Variants in IQANK1 observed in about 807,000 individuals in gnomAD.
IQANK1 encodes the protein IQ motif and ankyrin repeat domain-containing protein 1.
Under a neutral mutation model 22.6 loss-of-function variants are expected in IQANK1, and 30 were observed. The ratio of observed to expected loss-of-function variants is 1.33; its 90% confidence interval spans 0.99 to 1.80. IQANK1 has a LOEUF of 1.80. Among genes scored for constraint, IQANK1 ranks in the 40% most tolerant of loss-of-function variants. The probability of loss-of-function intolerance (pLI) is 0.00; values close to 1 mark genes in which losing one functional copy is unlikely to be tolerated. For synonymous variants in IQANK1, 122 were observed against 99.6 expected (o/e 1.23, Z -1.34); for missense variants, 275 against 235.2 (o/e 1.17, Z -1.11).
At position 143,771,251 on chromosome 8, in the gene IQANK1, G is replaced by C. The variant is rs1819564439; in HGVS notation, c.176-237G>C. 6.6e-6 allele frequency among the ~76,000 whole-genome samples: 1 copy of C among 152,128 alleles called. No homozygotes were observed. The highest frequency in any genetic ancestry group is 1.5e-5 in the Non-Finnish European group (1 of 68,004). On this transcript the variant is annotated intron_variant, in intron 3 of 13. Transcript: ENST00000527139. The surrounding 1 kb of genome is among the most constrained non-coding windows in gnomAD (Gnocchi z 6.0). ...CGGGGCTCGCAGGATCCCCGGCGGC[G>C]TGGGGCGGGGGAGGTTCCCGCAGAC...
At chr8:143,780,549 C>G (rs781898908) in intron 7 of IQANK1, among the ~76,000 whole-genome samples, 16 of 152,150 alleles carry the variant, frequency 1.1e-4, no homozygotes, top group Non-Finnish European at 2.1e-4. Context: ...TCCTTTAGCT[C>G]CCGTTTACAG....
intron 2 of IQANK1, among the ~76,000 whole-genome samples, chr8:143,737,891 T>C (rs1554625894): frequency 6.6e-6 from 1 of 152,222 alleles, no homozygotes; most frequent in Non-Finnish European, 1.5e-5. Context: ...CTGGACCTCA[T>C]GGAGCCTCAG....
At position 143,756,333 on chromosome 8, in the gene IQANK1, G is replaced by A. The variant is rs559793998; in HGVS notation, c.176-15155G>A. Among the ~76,000 whole-genome samples the A allele has an allele frequency of 3.3e-5, 5 of 152,274 alleles. No homozygotes were observed. In the South Asian group the frequency reaches 1.0e-3, roughly 32 times the overall value. ...TTAAGGCTGGAGCTCAGTACACCACGAGGGACTGTCTGAGAACCAGGGCTG... is the reference window on the plus strand; with the variant it reads ...TTAAGGCTGGAGCTCAGTACACCACAAGGGACTGTCTGAGAACCAGGGCTG... On this transcript the variant is annotated intron_variant, in intron 3 of 13. Coordinates refer to ENST00000527139, the MANE Select transcript of IQANK1 (RefSeq NM_001381874.1).
At chr8:143,779,116 A>G (rs1406243987) in intron 7 of IQANK1, among the ~76,000 whole-genome samples, 1 of 152,188 alleles carries the variant, frequency 6.6e-6, no homozygotes, top group Non-Finnish European at 1.5e-5. Context: ...GCTTATATAT[A>G]AATTTATGAA....
intron 3 of IQANK1, chr8:143,742,005 G>A (rs782502458): frequency 1.2e-4 from 31 of 248,678 alleles, no homozygotes; most frequent in Non-Finnish European, 2.0e-4. Flanking sequence ...CCCGGGGCCT[G>A]CTGGCTGACG....
intron 1 of IQANK1, among the ~76,000 whole-genome samples, chr8:143,734,788 C>A (rs1445501827): frequency 3.9e-5 from 6 of 152,054 alleles, no homozygotes; most frequent in Non-Finnish European, 8.8e-5. Flanking sequence ...CCCCAACGGA[C>A]AAGGGACCCA....
chr8:143,752,114 T>C (rs568453383), intron 3 of IQANK1, among the ~76,000 whole-genome samples: 201 of 152,168 alleles, frequency 1.3e-3, no homozygotes, highest in African/African-American at 4.6e-3. Context: ...TATAGGCGCC[T>C]GCCACCAGGC....
chr8:143,744,111 C>G, intron 3 of IQANK1: 1 of 215,136 alleles, frequency 4.6e-6, no homozygotes, highest in Non-Finnish European at 9.6e-6. Context: ...GGATTACAGG[C>G]GTGAGCCACC....
Position 143,750,035 on chromosome 8 carries a change from G to A in IQANK1, c.175+10087G>A, listed in dbSNP as rs191374940. ...TTTATTTTTTTTGAGGTGGAGTTTC[G>A]CTCTTGTTGCCCAGGCTGGAGTGCA... On this transcript the variant is annotated intron_variant, in intron 3 of 13. Transcript: ENST00000527139. 1.7e-3 allele frequency among the ~76,000 whole-genome samples: 238 copies of A among 143,196 alleles called. 2 individuals carry two copies. The highest frequency in any genetic ancestry group is 8.0e-3 in the Middle Eastern group (2 of 250). 93.9% of individuals were successfully genotyped at this position (143,196 alleles called of 152,430 possible). A position where few individuals can be genotyped will look rare whatever the true frequency, so the allele number is the denominator to read the frequency against.
Position 143,771,390 on chromosome 8 carries a change from C to CG in IQANK1, c.176-94dup, listed in dbSNP as rs1563776661. 8 of 338,520 alleles carry CG rather than the reference C, an allele frequency of 2.4e-5. No homozygotes were observed. The highest frequency in any genetic ancestry group is 7.2e-5 in the African/African-American group (3 of 41,398). The allele number at this position is 338,520 out of a possible 1,614,324, so 21.0% of individuals were successfully genotyped here. Reference sequence around the variant, plus strand: ...TTGAGAGCCGTTTGGGTCCTTCTGTCGGGGCGGGGGCGGGGGCGGGGCCGG... The same window carrying CG: ...TTGAGAGCCGTTTGGGTCCTTCTGTCGGGGGCGGGGGCGGGGGCGGGGCCGG... On this transcript the variant is annotated intron_variant, in intron 3 of 13. Coordinates refer to ENST00000527139, the MANE Select transcript of IQANK1 (RefSeq NM_001381874.1). The surrounding 1 kb of genome is among the most constrained non-coding windows in gnomAD (Gnocchi z 6.0).
chr8:143,786,426 ATTT>A (rs1274135023), intron 7 of IQANK1, among the ~76,000 whole-genome samples: 1 of 152,230 alleles, frequency 6.6e-6, no homozygotes, highest in African/African-American at 2.4e-5. Flanking sequence ...ATATTTGCAA[ATTT>A]ATATTTACAA....
chr8:143,737,366 G>T (rs1818770339), intron 2 of IQANK1, among the ~76,000 whole-genome samples: 1 of 152,194 alleles, frequency 6.6e-6, no homozygotes, highest in South Asian at 2.1e-4. Flanking sequence ...AGCATGCCTG[G>T]GTCTGCTGCA....
intron 7 of IQANK1, among the ~76,000 whole-genome samples, chr8:143,786,301 G>T (rs547605424): frequency 1.3e-5 from 2 of 152,354 alleles, no homozygotes; most frequent in East Asian, 3.9e-4. Context: ...CAGAGATTAA[G>T]ATGATTTGAA....
chr8:143,738,821 C>G (rs1554626048), intron 2 of IQANK1, among the ~76,000 whole-genome samples: 1 of 152,248 alleles, frequency 6.6e-6, no homozygotes, highest in Non-Finnish European at 1.5e-5. Context: ...CCTCCCTGGC[C>G]ACAGACAACC....
At chr8:143,740,480 G>C (rs1280959175) in intron 3 of IQANK1, among the ~76,000 whole-genome samples, 1 of 152,234 alleles carries the variant, frequency 6.6e-6, no homozygotes, top group Admixed American at 6.5e-5. Flanking sequence ...CGAACTCGTC[G>C]TCGGTCTCCA....
intron 3 of IQANK1, among the ~76,000 whole-genome samples, chr8:143,749,584 T>A (rs55646863): frequency 0.32 from 22,293 of 68,974 alleles, 5,423 homozygotes; most frequent in African/African-American, 0.65. Context: ...ATATATATAT[T>A]TTATTTATTT....
intron 3 of IQANK1, among the ~76,000 whole-genome samples, chr8:143,769,483 C>T (rs1356936508): frequency 1.3e-5 from 2 of 152,194 alleles, no homozygotes; most frequent in South Asian, 2.1e-4. Context: ...AAGGCCACTG[C>T]GCTTGGCCTA....
At chr8:143,739,007 C>G (rs1369754281) in intron 2 of IQANK1, among the ~76,000 whole-genome samples, 1 of 152,186 alleles carries the variant, frequency 6.6e-6, no homozygotes, top group Non-Finnish European at 1.5e-5. Context: ...AGACTGGGCC[C>G]TCAAAGCCCT....
chr8:143,742,005 G>C, intron 3 of IQANK1: 1 of 248,796 alleles, frequency 4.0e-6, no homozygotes, highest in Admixed American at 4.7e-5. Flanking sequence ...CCCGGGGCCT[G>C]CTGGCTGACG....
Sources: allele counts gnomAD v4.1 joint callset (sites outside exome capture counted in the v4.1 genomes callset), GRCh38; gene constraint gnomAD v4.1.1; non-coding constraint Gnocchi (gnomAD v3.1); transcripts MANE v1.5; gene names NCBI Gene and HGNC (gene_info 2026-07-23, HGNC 2026-07-21).